Variants in SLC2A12 observed in about 807,000 individuals in gnomAD.
The protein encoded by SLC2A12 is solute carrier family 2, facilitated glucose transporter member 12.
A neutral mutation model predicts 41.8 loss-of-function variants in SLC2A12; 23 were observed. The observed-to-expected ratio is 0.55, with a 90% CI of 0.40 to 0.78. The LOEUF is 0.78. Among genes scored for constraint, SLC2A12 ranks in the 30% least tolerant of loss-of-function variants. The pLI is 0.00. For synonymous variants in SLC2A12, 295 were observed against 285.9 expected (o/e 1.03, Z -0.32); for missense variants, 654 against 745.6 (o/e 0.88, Z 1.43).
At chr6:133,994,699 G>A (rs1487183583) in intron 4 of SLC2A12, among the ~76,000 whole-genome samples, 1 of 152,268 alleles carries the variant, frequency 6.6e-6, no homozygotes, top group South Asian at 2.1e-4. Context: ...CAACCTGGGC[G>A]ACAGAGCGAG....
At chr6:134,010,646 CA>C (rs1193529485) in intron 2 of SLC2A12, among the ~76,000 whole-genome samples, 2 of 152,102 alleles carry the variant, frequency 1.3e-5, no homozygotes, top group Non-Finnish European at 2.9e-5. Flanking sequence ...TGATTGTTTA[CA>C]GAGATGAAAC....
chr6:134,026,547 T>C (rs535236939), intron 2 of SLC2A12, among the ~76,000 whole-genome samples: 6 of 152,376 alleles, frequency 3.9e-5, no homozygotes, highest in Non-Finnish European at 5.9e-5. Flanking sequence ...GAGTATCTCA[T>C]AGGTATACAC....
chr6:134,035,167 A>C lies in SLC2A12; in HGVS notation c.104-5446T>G, dbSNP rs911732057. ...GCTGCCTGACAAAAAAAAAAAAAAA[A>C]AAAAAAACTGTGTGTGCATGCTTTT... On this transcript the variant is annotated intron_variant, in intron 1 of 4. Transcript: ENST00000275230. 3.0e-4 allele frequency among the ~76,000 whole-genome samples: 41 copies of C among 138,622 alleles called. No individual in the cohort carries two copies. In the East Asian group the frequency reaches 7.2e-3, roughly 24 times the overall value. 90.9% of individuals were successfully genotyped at this position (138,622 alleles called of 152,430 possible). A position where few individuals can be genotyped will look rare whatever the true frequency, so the allele number is the denominator to read the frequency against.
At chr6:134,044,160 T>C (rs555250817) in intron 1 of SLC2A12, among the ~76,000 whole-genome samples, 28 of 152,222 alleles carry the variant, frequency 1.8e-4, no homozygotes, top group Non-Finnish European at 1.0e-4. Flanking sequence ...TGGCTGAACT[T>C]CCCCCTTTGC....
intron 4 of SLC2A12, among the ~76,000 whole-genome samples, chr6:133,995,973 G>T (rs1041248058): frequency 1.3e-5 from 2 of 152,120 alleles, no homozygotes; most frequent in African/African-American, 2.4e-5. Context: ...TATTACCCAG[G>T]TTTTATCTTA....
At chr6:134,012,854 C>T (rs1053818420) in intron 2 of SLC2A12, among the ~76,000 whole-genome samples, 1 of 152,086 alleles carries the variant, frequency 6.6e-6, no homozygotes, top group African/African-American at 2.4e-5. Flanking sequence ...GCCTGTAGTC[C>T]TAGCTACTCA....
intron 1 of SLC2A12, among the ~76,000 whole-genome samples, chr6:134,043,790 CAAAAA>C (rs529160646): frequency 2.9e-5 from 2 of 69,978 alleles, no homozygotes; most frequent in African/African-American, 5.1e-5. Context: ...GACTCTGTCC[CAAAAA>C]AAAAAAAAAA....
At chr6:134,013,323 A>T (rs1776912972) in intron 2 of SLC2A12, among the ~76,000 whole-genome samples, 1 of 152,054 alleles carries the variant, frequency 6.6e-6, no homozygotes, top group Non-Finnish European at 1.5e-5. Context: ...AATGTTTTAA[A>T]ATATGACTTT....
chr6:134,042,990 AC>A (rs1187814038), intron 1 of SLC2A12, among the ~76,000 whole-genome samples: 151 of 151,032 alleles, frequency 1.0e-3, no homozygotes, highest in Middle Eastern at 3.4e-3. Context: ...ACAAAACAAA[AC>A]AAAACAAAAA....
At chr6:134,012,881 C>T (rs577681278) in intron 2 of SLC2A12, among the ~76,000 whole-genome samples, 30 of 152,128 alleles carry the variant, frequency 2.0e-4, no homozygotes, top group Admixed American at 8.5e-4. Flanking sequence ...ATAGGCAGGA[C>T]GATGGCTTGA....
intron 4 of SLC2A12, among the ~76,000 whole-genome samples, chr6:133,997,581 T>C (rs1455227664): frequency 6.6e-6 from 1 of 152,178 alleles, no homozygotes; most frequent in Non-Finnish European, 1.5e-5. Context: ...TTCTCACTTA[T>C]AAGTGGGAGC....
In SLC2A12 at chr6:134,052,359, C is replaced by G; in HGVS notation, c.103+19G>C. On this transcript the variant is annotated intron_variant, in intron 1 of 4. Transcript: ENST00000275230. Reference sequence around the variant, plus strand: ...GCTTGCTTCTCTGCGGTCACCCGAGCACTGCAGGCTCACTTTACCTCTCGC... The same window carrying G: ...GCTTGCTTCTCTGCGGTCACCCGAGGACTGCAGGCTCACTTTACCTCTCGC... 1 of 1,604,626 alleles carries G rather than the reference C, an allele frequency of 6.2e-7. No individual in the cohort carries two copies. The highest frequency in any genetic ancestry group is 8.5e-7 in the Non-Finnish European group (1 of 1,176,040).
intron 3 of SLC2A12, among the ~76,000 whole-genome samples, chr6:134,003,760 C>T (rs2114428688): frequency 6.6e-6 from 1 of 152,296 alleles, no homozygotes; most frequent in African/African-American, 2.4e-5. Context: ...TTTTAAATGG[C>T]CCTCTCGAGA....
At chr6:134,046,613 C>T (rs1310736989) in intron 1 of SLC2A12, among the ~76,000 whole-genome samples, 5 of 151,860 alleles carry the variant, frequency 3.3e-5, no homozygotes, top group East Asian at 1.9e-4. Flanking sequence ...CCAGCCTGGG[C>T]AACATGGTGA....
Position 134,021,144 on chromosome 6 carries a change from G to A in SLC2A12, c.1444+7237C>T, listed in dbSNP as rs145024159. Among the ~76,000 whole-genome samples the A allele has an allele frequency of 3.2e-3, 486 of 152,232 alleles. 1 individual carries two copies. Among genetic ancestry groups the A allele is most frequent in the Admixed American group, 0.016 (242 of 15,298 alleles). On this transcript the variant is annotated intron_variant, in intron 2 of 4. Coordinates refer to ENST00000275230, the MANE Select transcript of SLC2A12 (RefSeq NM_145176.3). ...TGGATTGTTCTGCAAAAAGCCTCGTGATGGTGTCTGGCAGGAACAGGAGTT... is the reference window on the plus strand; with the variant it reads ...TGGATTGTTCTGCAAAAAGCCTCGTAATGGTGTCTGGCAGGAACAGGAGTT...
intron 2 of SLC2A12, among the ~76,000 whole-genome samples, chr6:134,020,549 T>C (rs1019429164): frequency 5.3e-5 from 8 of 152,146 alleles, no homozygotes; most frequent in African/African-American, 1.9e-4. Context: ...ATATTTTCTT[T>C]AGAAAAGAAA....
At chr6:134,021,240 A>G (rs1777036509) in intron 2 of SLC2A12, among the ~76,000 whole-genome samples, 1 of 152,202 alleles carries the variant, frequency 6.6e-6, no homozygotes, top group Non-Finnish European at 1.5e-5. Flanking sequence ...TTACACAAGT[A>G]AAGAAGCCCA....
chr6:134,024,071 G>C (rs1331667132), intron 2 of SLC2A12, among the ~76,000 whole-genome samples: 1 of 152,200 alleles, frequency 6.6e-6, no homozygotes, highest in African/African-American at 2.4e-5. Context: ...CCCTGCTGCC[G>C]ATCACTGGTT....
chr6:134,021,290 C>T (rs117637002), intron 2 of SLC2A12, among the ~76,000 whole-genome samples: 216 of 152,272 alleles, frequency 1.4e-3, no homozygotes, highest in Non-Finnish European at 2.6e-3. Context: ...ATTTTTAAGT[C>T]CTTTTCCTTC....
Sources: gnomAD v4.1 joint callset for allele counts (sites outside exome capture counted in the v4.1 genomes callset) on GRCh38, gnomAD v4.1.1 for gene constraint, MANE v1.5 for transcripts, NCBI Gene and HGNC (gene_info 2026-07-23, HGNC 2026-07-21) for gene names.